The following PLIN1 variants were observed in gnomAD, a reference collection of about 807,000 sequenced individuals.
PLIN1 encodes perilipin 1.
Under a neutral mutation model 45.8 loss-of-function variants are expected in PLIN1, and 37 were observed. That is an observed-to-expected ratio of 0.81 (90% CI 0.62 to 1.06). The LOEUF is 1.06. PLIN1 is among the 50% of genes least tolerant of loss of function. The pLI, the probability that PLIN1 is intolerant of heterozygous loss-of-function variation, is 0.00. For synonymous variants in PLIN1, 340 were observed against 309.2 expected (o/e 1.10, Z -1.05); for missense variants, 776 against 716.5 (o/e 1.08, Z -0.95).
At position 89,673,357 on chromosome 15, in the gene PLIN1, C is replaced by T. The variant is rs1171153128; in HGVS notation, c.103G>A (p.Glu35Lys). ...CTGGTGTAGGTCTTCTGGAAGCATT[C>T]GCAGGTGCCACTCACCACCGGCAGC... ...LQLPVVSGTCECFQKTYTSTK... is the reference protein window; with the variant it reads ...LQLPVVSGTCKCFQKTYTSTK... Residue 35 changes from glutamate (E) to lysine (K), a missense_variant, in exon 3 of 9, where the codon GAA becomes AAA. Transcript: ENST00000300055. 4 of 1,602,642 alleles carry T rather than the reference C, an allele frequency of 2.5e-6. No homozygotes were observed. Among genetic ancestry groups the T allele is most frequent in the South Asian group, 2.3e-5 (2 of 88,858 alleles).
At chr15:89,677,011 C>G (rs1964529120) in intron 2 of PLIN1, 1 of 217,362 alleles carries the variant, frequency 4.6e-6, no homozygotes, top group East Asian at 1.0e-4. Flanking sequence ...TCCCCCCACA[C>G]AGCAGCACAG....
intron 5 of PLIN1, 83 bp downstream of exon 5, chr15:89,669,897 G>C: frequency 7.0e-7 from 1 of 1,424,716 alleles, no homozygotes. Context: ...CCAGAGCAGT[G>C]GCTGGTTGAG....
Position 89,677,509 on chromosome 15 carries a change from A to C in PLIN1, c.-14-6T>G. The C allele has an allele frequency of 6.2e-7, 1 of 1,613,564 alleles. No homozygotes were observed. The highest frequency in any genetic ancestry group is 8.5e-7 in the Non-Finnish European group (1 of 1,179,522). ...TGCCATCCTCGCTCCTCAAGCTGCA[A>C]AACAGAGTCCCAGGTCCCATCAGAA... On this transcript the variant is annotated splice_polypyrimidine_tract_variant and splice_region_variant and intron_variant, in intron 1 of 8. Transcript: ENST00000300055.
intron 5 of PLIN1, 142 bp downstream of exon 5, chr15:89,669,832 TGGGGGG>T (rs367769631): frequency 6.6e-6 from 1 of 152,486 alleles, no homozygotes; most frequent in East Asian, 2.1e-4. Context: ...GGGGTGGGGG[TGGGGGG>T]GGTAAATGAT....
intron 1 of PLIN1, 108 bp downstream of exon 1, chr15:89,679,143 T>A (rs1964562147): frequency 6.6e-6 from 1 of 152,154 alleles, no homozygotes; most frequent in Admixed American, 6.5e-5. Context: ...CCACTGTGCC[T>A]ATCCAATTCC....
intron 4 of PLIN1, 118 bp from the exon 5 acceptor site, chr15:89,670,362 G>C: frequency 9.6e-7 from 1 of 1,037,106 alleles, no homozygotes; most frequent in Non-Finnish European, 1.4e-6. Context: ...AAAGGCCCAG[G>C]GAACTGGTAC....
At chr15:89,670,395 A>T in intron 4 of PLIN1, 151 bp from the exon 5 acceptor site, 1 of 809,540 alleles carries the variant, frequency 1.2e-6, no homozygotes, top group Non-Finnish European at 1.9e-6. Flanking sequence ...ACCTGGAATT[A>T]AGCTGGGCTT....
intron 8 of PLIN1, 76 bp downstream of exon 8, chr15:89,666,860 C>T (rs1230925473): frequency 7.1e-6 from 11 of 1,556,572 alleles, no homozygotes; most frequent in Non-Finnish European, 8.8e-6. Flanking sequence ...ACTGCAGCCC[C>T]TTCAGTCAAA....
chr15:89,667,268 A>C, intron 7 of PLIN1, 87 bp from the exon 8 acceptor site: 1 of 1,559,326 alleles, frequency 6.4e-7, no homozygotes, highest in Non-Finnish European at 8.8e-7. Context: ...AGGGGAAAGC[A>C]TGAGAATACC....
rs1456268029 is a variant in PLIN1 at position 89,667,712 on chromosome 15, G to A, written c.853C>T (p.His285Tyr). Residue 285 changes from histidine (H) to tyrosine (Y), a missense_variant, in exon 7 of 9, where the codon CAC becomes TAC. By Grantham distance (83) the His-to-Tyr change is moderately conservative (BLOSUM62 2). Transcript: ENST00000300055. Reference sequence around the variant, plus strand: ...TCCTCCTGGGCGGCTGCGAGGCTGTGCAGCCAGGGTACCCGCACTTCGCTC... The same window carrying A: ...TCCTCCTGGGCGGCTGCGAGGCTGTACAGCCAGGGTACCCGCACTTCGCTC... Reference protein sequence around the residue: ...RRSEVRVPWLHSLAAAQEEDH... With the variant: ...RRSEVRVPWLYSLAAAQEEDH... 6.3e-7 allele frequency: 1 copy of A among 1,582,402 alleles called. No individual in the cohort carries two copies. The highest frequency in any genetic ancestry group is 1.1e-5 in the South Asian group (1 of 87,084).
chr15:89,666,629 T>G (rs1477283523), intron 8 of PLIN1, among the ~76,000 whole-genome samples: 5 of 152,002 alleles, frequency 3.3e-5, no homozygotes, highest in Non-Finnish European at 7.4e-5. Flanking sequence ...AGCCCTTCAG[T>G]TGAGAGCAAA....
chr15:89,677,357 G>A, intron 2 of PLIN1, 88 bp downstream of exon 2: 1 of 1,031,754 alleles, frequency 9.7e-7, no homozygotes, highest in Non-Finnish European at 1.5e-6. Context: ...GGAATATCTT[G>A]CTCTAAGTCC....
chr15:89,668,660 G>A (rs765399731), intron 6 of PLIN1, among the ~76,000 whole-genome samples: 12 of 152,154 alleles, frequency 7.9e-5, no homozygotes, highest in Admixed American at 2.6e-4. Flanking sequence ...TATTCCATGC[G>A]AATGGTGGCA....
intron 8 of PLIN1, 131 bp from the exon 9 acceptor site, chr15:89,666,073 G>A (rs1277530587): frequency 4.9e-6 from 3 of 608,948 alleles, no homozygotes; most frequent in South Asian, 3.4e-5. Flanking sequence ...GCTGGGGAGC[G>A]GTTCAGTAGT....
chr15:89,670,348 A>T, intron 4 of PLIN1, 104 bp from the exon 5 acceptor site: 1 of 1,195,092 alleles, frequency 8.4e-7, no homozygotes, highest in Non-Finnish European at 1.2e-6. Flanking sequence ...GGAAGGCATC[A>T]CCTAAAGGCC....
At position 89,665,402 on chromosome 15, in the gene PLIN1, T is replaced by G; in HGVS notation, c.*181A>C. The G allele has an allele frequency of 1.4e-5, 6 of 429,752 alleles. No homozygotes were observed. The highest frequency in any genetic ancestry group is 3.7e-5 in the East Asian group (1 of 27,046). The allele number at this position is 429,752 out of a possible 1,614,324, so 26.6% of individuals were successfully genotyped here. ...CTCTGAGAGTGAAGCCCCAAAAGGA[T>G]GCTAAAAAAAAAATAAAAATAAAAT... On this transcript the variant is annotated 3_prime_UTR_variant, in exon 9 of 9. Transcript: ENST00000300055.
chr15:89,666,966 G>A lies in PLIN1; in HGVS notation c.1179C>T (p.Asn393=), dbSNP rs150128694. Residue 393 remains asparagine (N), a synonymous_variant, in exon 8 of 9, where the codon AAC becomes AAT. Coordinates refer to ENST00000300055, the MANE Select transcript of PLIN1 (RefSeq NM_002666.5). ...LSDALKGVTD[N]VVDTVVHYVP... ...CGTAATGCACCACTGTGTCCACCAC[G>A]TTGTCAGTAACGCCCTTCAGGGCAT... 1.8e-4 allele frequency: 286 copies of A among 1,614,096 alleles called. 1 individual carries two copies. The African/African-American group carries it at 2.7e-3, about 15-fold the overall frequency.
At chr15:89,668,498 C>G (rs576709249) in intron 6 of PLIN1, among the ~76,000 whole-genome samples, 1 of 152,296 alleles carries the variant, frequency 6.6e-6, no homozygotes, top group South Asian at 2.1e-4. Context: ...CCTCCCAGAT[C>G]TTTTAAGAGT....
chr15:89,677,217 T>C (rs1479759885), intron 2 of PLIN1: 1 of 589,906 alleles, frequency 1.7e-6, no homozygotes, highest in African/African-American at 1.9e-5. Context: ...CTGTCCCTTT[T>C]TTTCAAGGTG....
Sources: allele counts gnomAD v4.1 joint callset (sites outside exome capture counted in the v4.1 genomes callset), GRCh38; gene constraint gnomAD v4.1.1; transcripts MANE v1.5; gene names NCBI Gene and HGNC (gene_info 2026-07-23, HGNC 2026-07-21).